RCOR2: variants seen among roughly 807,000 people sequenced by gnomAD.
The protein encoded by RCOR2 is REST corepressor 2.
RCOR2 carries 19 observed loss-of-function variants against 58.9 expected under a neutral mutation model. That is an observed-to-expected ratio of 0.32 (90% CI 0.23 to 0.47). RCOR2 has a LOEUF of 0.47. Ranked by LOEUF, RCOR2 falls within the 20% of genes least tolerant of loss-of-function variation. The pLI, the probability that RCOR2 is intolerant of heterozygous loss-of-function variation, is 1.00. For missense variants in RCOR2, 590 were observed against 707.9 expected (o/e 0.83, Z 1.89); for synonymous variants, 286 against 278.7 (o/e 1.03, Z -0.26).
At chr11:63,919,357 AG>A (rs920840516), upstream of RCOR2, among the ~76,000 whole-genome samples, 1 of 152,006 alleles carries the variant, frequency 6.6e-6, no homozygotes, top group African/African-American at 2.4e-5. Context: ...ACAAAGGACA[AG>A]GGGCCCCGGC....
At chr11:63,919,100 G>C (rs1941899169), upstream of RCOR2, among the ~76,000 whole-genome samples, 1 of 152,078 alleles carries the variant, frequency 6.6e-6, no homozygotes, top group African/African-American at 2.4e-5. Context: ...GGTTGGGAGA[G>C]TCCCTAGGCC....
chr11:63,914,149 C>T lies in RCOR2; in HGVS notation c.696G>A (p.Leu232=), dbSNP rs1429563594. ...TTTTCCCAGGGCCTGGGCGTGCATT[C>T]AGGGGCCGAGAGGGTAGAGGCTGCC... ...PKREPLPSRP[L]NARPGPGKKE... Residue 232 remains leucine (L), a synonymous_variant, in exon 8 of 12, where the codon CTG becomes CTA. Transcript: ENST00000301459. 1.9e-6 allele frequency: 3 copies of T among 1,613,820 alleles called. No individual in the cohort carries two copies. Among genetic ancestry groups the T allele is most frequent in the South Asian group, 2.2e-5 (2 of 91,074 alleles).
At chr11:63,919,440 G>T (rs1254514895), upstream of RCOR2, among the ~76,000 whole-genome samples, 1 of 152,068 alleles carries the variant, frequency 6.6e-6, no homozygotes, top group Non-Finnish European at 1.5e-5. Context: ...CCGCCCCGGG[G>T]CTGCGGGGCG....
Position 63,911,678 on chromosome 11 carries a change from A to G in RCOR2, c.*187T>C. 1.0e-6 allele frequency: 1 copy of G among 973,464 alleles called. No individual in the cohort carries two copies. The highest frequency in any genetic ancestry group is 4.0e-5 in the Admixed American group (1 of 24,842). The allele number at this position is 973,464 out of a possible 1,614,324, so 60.3% of individuals were successfully genotyped here. On this transcript the variant is annotated 3_prime_UTR_variant, in exon 12 of 12. Transcript: ENST00000301459. ...GGCCCCTGAGCCCGGCCATGGCCCC[A>G]GGAGACAGGCCCAGCTGCCAGGAAC...
At position 63,913,180 on chromosome 11, in the gene RCOR2, A is replaced by ATT. The variant is rs1161435029; in HGVS notation, c.892-234_892-233insAA. On this transcript the variant is annotated intron_variant, in intron 8 of 11. Coordinates refer to ENST00000301459, the MANE Select transcript of RCOR2 (RefSeq NM_173587.4). ...TTATTTTTTATATATATATATATAT[A>ATT]TATATTTTTTTTTTTTTTTTTTTGA... Among the ~76,000 whole-genome samples the ATT allele has an allele frequency of 1.0e-3, 104 of 104,214 alleles. 5 individuals carry two copies. The East Asian group carries it at 0.015, about 15-fold the overall frequency. 68.4% of individuals were successfully genotyped at this position (104,214 alleles called of 152,430 possible).
chr11:63,921,519 C>T (rs1941915775), upstream of RCOR2, among the ~76,000 whole-genome samples: 2 of 152,154 alleles, frequency 1.3e-5, no homozygotes, highest in Admixed American at 6.5e-5. Flanking sequence ...GTGGCAGGAG[C>T]TCAGACTTAG....
chr11:63,915,640 C>T (rs755497445), intron 1 of RCOR2, 29 bp from the exon 2 acceptor site: 145 of 593,340 alleles, frequency 2.4e-4, no homozygotes, highest in Middle Eastern at 6.2e-4. Flanking sequence ...GCAGTCAGGA[C>T]TCCAGGGAGG....
chr11:63,916,572 G>T lies in RCOR2; in HGVS notation c.-116C>A. On this transcript the variant is annotated 5_prime_UTR_variant, in exon 1 of 12. Coordinates refer to ENST00000301459, the MANE Select transcript of RCOR2 (RefSeq NM_173587.4). ...CTGGAGAGGTCGCCACTGAGGTTAG[G>T]AGAGGCAGGAGGTCAGCGTGGCTAG... The T allele has an allele frequency of 2.1e-6, 3 of 1,439,204 alleles. No individual in the cohort carries two copies. The highest frequency in any genetic ancestry group is 5.1e-5 in the East Asian group (2 of 39,368). 89.2% of individuals were successfully genotyped at this position (1,439,204 alleles called of 1,614,324 possible).
upstream of RCOR2, among the ~76,000 whole-genome samples, chr11:63,922,139 A>T (rs1941918796): frequency 6.6e-6 from 1 of 152,210 alleles, no homozygotes. Context: ...ACCAGATTCC[A>T]GCACCATGCT....
chr11:63,914,632 G>T, intron 5 of RCOR2, 23 bp downstream of exon 5: 1 of 1,604,934 alleles, frequency 6.2e-7, no homozygotes, highest in South Asian at 1.1e-5. Context: ...GAGCGCCGGG[G>T]AGTGGGGGTG....
At chr11:63,914,364 A>C (rs1236546132) in intron 6 of RCOR2, 34 bp from the exon 7 acceptor site, 1 of 1,613,270 alleles carries the variant, frequency 6.2e-7, no homozygotes, top group East Asian at 2.2e-5. Context: ...GGAATGAGGC[A>C]GCTGCCAGGA....
chr11:63,912,164 C>T lies in RCOR2; in HGVS notation c.1273G>A (p.Val425Ile). 1 of 1,549,730 alleles carries T rather than the reference C, an allele frequency of 6.5e-7. No individual in the cohort carries two copies. The highest frequency in any genetic ancestry group is 2.4e-5 in the East Asian group (1 of 41,404). ...ACTGATCGGGGCACGGACGTGGAGACCGATGTAATCTGGACCTGAGGGGAG... is the reference window on the plus strand; with the variant it reads ...ACTGATCGGGGCACGGACGTGGAGATCGATGTAATCTGGACCTGAGGGGAG... Reference protein sequence around the residue: ...EEDDEVQITSVSTSVPRSVPP... With the variant: ...EEDDEVQITSISTSVPRSVPP... Residue 425 changes from valine to isoleucine, a missense_variant, in exon 12 of 12, where the codon GTC (valine) becomes ATC (isoleucine). Transcript: ENST00000301459.
In RCOR2 at chr11:63,912,141, T is replaced by G; in HGVS notation, c.1296A>C (p.Ser432=). 1.3e-6 allele frequency: 2 copies of G among 1,524,000 alleles called. No individual in the cohort carries two copies. Among genetic ancestry groups the G allele is most frequent in the Non-Finnish European group, 1.8e-6 (2 of 1,141,608 alleles). The allele number at this position is 1,524,000 out of a possible 1,614,324, so 94.4% of individuals were successfully genotyped here. The change falls in exon 12 of 12, where the codon TCA becomes TCC. Residue 432 remains serine, a synonymous_variant. Transcript: ENST00000301459. ...GAGGGGGTGGTGGCGCAGGGGGCACTGATCGGGGCACGGACGTGGAGACCG... is the reference window on the plus strand; with the variant it reads ...GAGGGGGTGGTGGCGCAGGGGGCACGGATCGGGGCACGGACGTGGAGACCG... ...ITSVSTSVPR[S]VPPAPPPPPP...
At chr11:63,926,489 C>CTTTTTTTTTTTTTTTTTTTT in the RCOR2 span, among the ~76,000 whole-genome samples, 4 of 137,828 alleles carry the variant, frequency 2.9e-5, no homozygotes, top group African/African-American at 5.4e-5. Context: ...CTCTCTCTCT[C>CTTTTTTTTTTTTTTTTTTTT]TTTTTTTTTT....
the RCOR2 span, among the ~76,000 whole-genome samples, chr11:63,925,001 C>G: frequency 2.0e-5 from 3 of 152,026 alleles, no homozygotes; most frequent in Non-Finnish European, 4.4e-5. Flanking sequence ...CAGGTGCCTG[C>G]CACCACGCCC....
chr11:63,915,342 G>A, intron 2 of RCOR2, 84 bp from the exon 3 acceptor site: 1 of 1,311,858 alleles, frequency 7.6e-7, no homozygotes, highest in Non-Finnish European at 1.1e-6. Flanking sequence ...GGCAGCAGAG[G>A]AGTGGAGCCA....
chr11:63,913,912 A>G, intron 8 of RCOR2, 42 bp downstream of exon 8: 1 of 1,581,030 alleles, frequency 6.3e-7, no homozygotes, highest in Non-Finnish European at 8.7e-7. Flanking sequence ...CCAGGTGCCG[A>G]ATGCCACCTT....
the RCOR2 span, among the ~76,000 whole-genome samples, chr11:63,926,487 C>CTTTT: frequency 1.4e-5 from 1 of 71,540 alleles, no homozygotes; most frequent in African/African-American, 7.2e-5. Flanking sequence ...CTCTCTCTCT[C>CTTTT]TCTTTTTTTT....
intron 4 of RCOR2, 42 bp downstream of exon 4, chr11:63,914,860 C>T (rs1439773383): frequency 4.3e-6 from 7 of 1,609,734 alleles, no homozygotes; most frequent in Non-Finnish European, 5.1e-6. Flanking sequence ...TGCCCCGGCA[C>T]CGTTCCACCC....
Sources: allele counts gnomAD v4.1 joint callset (sites outside exome capture counted in the v4.1 genomes callset), GRCh38; gene constraint gnomAD v4.1.1; transcripts MANE v1.5; gene names NCBI Gene and HGNC (gene_info 2026-07-23, HGNC 2026-07-21).